NUDCD1: variants seen among roughly 807,000 people sequenced by gnomAD.
NUDCD1 encodes the protein nudC domain-containing protein 1.
Under a neutral mutation model 67.8 loss-of-function variants are expected in NUDCD1, and 60 were observed. The ratio of observed to expected loss-of-function variants is 0.88; its 90% CI spans 0.72 to 1.10. The LOEUF (loss-of-function observed/expected upper bound fraction) is 1.10, where lower values mean the gene tolerates loss of function less well. Among genes scored for constraint, NUDCD1 ranks in the 50% least tolerant of loss-of-function variants. The pLI, the probability that NUDCD1 is intolerant of heterozygous loss-of-function variation, is 0.00. For missense variants in NUDCD1, 643 were observed against 695.0 expected (o/e 0.93, Z 0.84); for synonymous variants, 244 against 230.8 (o/e 1.06, Z -0.52).
At chr8:109,287,930 T>G (rs1814613944) in intron 5 of NUDCD1, among the ~76,000 whole-genome samples, 1 of 152,222 alleles carries the variant, frequency 6.6e-6, no homozygotes. Flanking sequence ...CTGGTTGCTT[T>G]GAGTACCTTT....
chr8:109,280,390 C>T (rs1381864060), intron 6 of NUDCD1, among the ~76,000 whole-genome samples: 1 of 152,146 alleles, frequency 6.6e-6, no homozygotes, highest in Non-Finnish European at 1.5e-5. Context: ...TCAAGCAATC[C>T]TCCTACCTCA....
chr8:109,286,359 CA>C (rs1418972585), intron 5 of NUDCD1, among the ~76,000 whole-genome samples: 1 of 151,976 alleles, frequency 6.6e-6, no homozygotes, highest in Middle Eastern at 3.2e-3. Flanking sequence ...CCATCCTAAG[CA>C]AAAAGAACAA....
intron 5 of NUDCD1, among the ~76,000 whole-genome samples, chr8:109,283,087 T>C (rs1265978415): frequency 2.0e-5 from 3 of 152,060 alleles, no homozygotes; most frequent in Non-Finnish European, 4.4e-5. Flanking sequence ...GAGATAAACA[T>C]CTTTAAAAGA....
At chr8:109,328,923 A>G (rs1386998130) in intron 1 of NUDCD1, among the ~76,000 whole-genome samples, 1 of 152,256 alleles carries the variant, frequency 6.6e-6, no homozygotes, top group Non-Finnish European at 1.5e-5. Flanking sequence ...ACCAATCAAT[A>G]GAAGCCAATA....
At chr8:109,296,701 G>A (rs1472508645) in intron 2 of NUDCD1, 132 bp from the exon 3 acceptor site, 6 of 623,874 alleles carry the variant, frequency 9.6e-6, no homozygotes, top group Non-Finnish European at 1.4e-5. Flanking sequence ...TTTGATGTGA[G>A]CTGTCCTACT....
intron 9 of NUDCD1, among the ~76,000 whole-genome samples, chr8:109,244,561 G>T (rs1234232362): frequency 1.3e-5 from 2 of 152,024 alleles, no homozygotes; most frequent in African/African-American, 4.8e-5. Flanking sequence ...TAACTATAAG[G>T]GATAATTAAT....
chr8:109,301,568 TGAG>T (rs1392768425), intron 2 of NUDCD1, among the ~76,000 whole-genome samples: 1 of 152,216 alleles, frequency 6.6e-6, no homozygotes, highest in African/African-American at 2.4e-5. Flanking sequence ...CCTCACTCCG[TGAG>T]GAGATCCACC....
At chr8:109,290,364 G>A (rs918868388) in intron 4 of NUDCD1, among the ~76,000 whole-genome samples, 9 of 151,956 alleles carry the variant, frequency 5.9e-5, no homozygotes, top group East Asian at 1.9e-4. Flanking sequence ...CAACATGACC[G>A]GCTTACTTGG....
chr8:109,242,928 A>G lies in NUDCD1; in HGVS notation c.*81T>C. On this transcript the variant is annotated 3_prime_UTR_variant, in exon 10 of 10. Transcript: ENST00000239690. ...GATATATTTAGCACATTAAAACTTA[A>G]GAGGTTACAGTATAACTGTCCAGAC... 3 of 799,214 alleles carry G rather than the reference A, an allele frequency of 3.8e-6. No individual in the cohort carries two copies. The highest frequency in any genetic ancestry group is 5.0e-5 in the East Asian group (2 of 39,622). 49.5% of individuals were successfully genotyped at this position (799,214 alleles called of 1,614,324 possible).
In NUDCD1 at chr8:109,280,960, A is replaced by G. The variant is rs534966276; in HGVS notation, c.1028+8T>C. The G allele has an allele frequency of 2.2e-5, 31 of 1,387,166 alleles. No individual in the cohort carries two copies. The highest frequency in any genetic ancestry group is 2.8e-5 in the Non-Finnish European group (28 of 1,014,534). 85.9% of individuals were successfully genotyped at this position (1,387,166 alleles called of 1,614,324 possible). On this transcript the variant is annotated splice_region_variant and intron_variant, in intron 6 of 9. Coordinates refer to ENST00000239690, the MANE Select transcript of NUDCD1 (RefSeq NM_032869.4). ...ATAGAATATTAAAGTAAAATTAAAA[A>G]AAAATACCTATTACTCTCTTTAATT... is the stretch of plus-strand genomic sequence containing the variant.
At chr8:109,286,778 G>C (rs928607393) in intron 5 of NUDCD1, among the ~76,000 whole-genome samples, 5 of 152,000 alleles carry the variant, frequency 3.3e-5, no homozygotes, top group African/African-American at 1.2e-4. Flanking sequence ...ATTGACAAAT[G>C]GTACCTAATT....
chr8:109,288,300 A>T (rs1390265591), intron 5 of NUDCD1, among the ~76,000 whole-genome samples: 2 of 152,196 alleles, frequency 1.3e-5, no homozygotes, highest in East Asian at 3.9e-4. Context: ...GTTCCAAGTT[A>T]TCTGGGCAGA....
At chr8:109,255,620 A>G (rs1404756826) in intron 8 of NUDCD1, among the ~76,000 whole-genome samples, 2 of 151,882 alleles carry the variant, frequency 1.3e-5, no homozygotes, top group African/African-American at 2.4e-5. Flanking sequence ...ATACATATAA[A>G]TGTTACCAGA....
chr8:109,245,193 T>C, intron 9 of NUDCD1, 129 bp downstream of exon 9: 1 of 861,076 alleles, frequency 1.2e-6, no homozygotes, highest in East Asian at 2.7e-5. Flanking sequence ...AGCAAACAAA[T>C]CATAGCGCAA....
Position 109,245,465 on chromosome 8 carries a change from T to C in NUDCD1, c.1316A>G (p.Asn439Ser). Residue 439 changes from asparagine (N) to serine (S), a missense_variant, in exon 9 of 10, where the codon AAC becomes AGC. Physicochemically the swap from Asn to Ser is conservative, Grantham distance 46. Transcript: ENST00000239690. Reference protein sequence around the residue: ...KTTHVVNLGSNQYLFSVIVDP... With the variant: ...KTTHVVNLGSSQYLFSVIVDP... ...CACTATGACAGAGAAAAGGTACTGG[T>C]TGCTTCCAAGATTCACCTAAAAAGT... 6 of 1,608,750 alleles carry C rather than the reference T, an allele frequency of 3.7e-6. No homozygotes were observed. Among genetic ancestry groups the C allele is most frequent in the Admixed American group, 1.7e-5 (1 of 58,916 alleles).
At chr8:109,280,536 G>A (rs973477665) in intron 6 of NUDCD1, among the ~76,000 whole-genome samples, 5 of 152,152 alleles carry the variant, frequency 3.3e-5, no homozygotes, top group Non-Finnish European at 5.9e-5. Flanking sequence ...GTGAGGAGTG[G>A]GAGGATGGGT....
In NUDCD1 at chr8:109,293,091, C is replaced by T. The variant is rs549139691; in HGVS notation, c.640+253G>A. Among the ~76,000 whole-genome samples the T allele has an allele frequency of 3.2e-3, 484 of 151,812 alleles. 1 individual carries two copies. The highest frequency in any genetic ancestry group is 0.01 in the Middle Eastern group (3 of 292). ...TTAAAAATATACCCGTTAAATTATT[C>T]AAAACTTATATAACAATGTCTTCTT... On this transcript the variant is annotated intron_variant, in intron 4 of 9. Coordinates refer to ENST00000239690, the MANE Select transcript of NUDCD1 (RefSeq NM_032869.4).
At chr8:109,258,644 G>T (rs1586255649) in intron 8 of NUDCD1, among the ~76,000 whole-genome samples, 1 of 151,880 alleles carries the variant, frequency 6.6e-6, no homozygotes. Context: ...ACAGCTTCTA[G>T]GAAGAGTATA....
intron 2 of NUDCD1, among the ~76,000 whole-genome samples, chr8:109,309,558 G>A (rs1178810867): frequency 6.6e-6 from 1 of 152,134 alleles, no homozygotes; most frequent in Non-Finnish European, 1.5e-5. Context: ...AACAAGACAA[G>A]CATGCCCACT....
Sources: allele counts gnomAD v4.1 joint callset (sites outside exome capture counted in the v4.1 genomes callset), GRCh38; gene constraint gnomAD v4.1.1; transcripts MANE v1.5; gene names NCBI Gene and HGNC (gene_info 2026-07-23, HGNC 2026-07-21).